The following NDST4 variants were observed in gnomAD, a reference collection of about 807,000 sequenced individuals.
NDST4 encodes N-heparan sulfate sulfotransferase 4.
A neutral mutation model predicts 100.8 loss-of-function variants in NDST4; 63 were observed. The observed-to-expected ratio is 0.62, with a 90% confidence interval of 0.51 to 0.77. The LOEUF is 0.77. Ranked by LOEUF, NDST4 falls within the 30% of genes least tolerant of loss-of-function variation. The pLI is 0.00. For synonymous variants in NDST4, 377 were observed against 361.8 expected, an observed-to-expected ratio of 1.04 and a Z score of -0.48; for missense variants, 943 against 1,018.4, an observed-to-expected ratio of 0.93 and a Z score of 1.01.
At chr4:115,051,598 TC>T (rs1728585359) in intron 2 of NDST4, among the ~76,000 whole-genome samples, 1 of 152,142 alleles carries the variant, frequency 6.6e-6, no homozygotes, top group Non-Finnish European at 1.5e-5. Context: ...AGGATTTCAG[TC>T]TTTTTTATGG....
chr4:114,879,987 C>G (rs1724332521), intron 6 of NDST4, among the ~76,000 whole-genome samples: 1 of 152,142 alleles, frequency 6.6e-6, no homozygotes, highest in African/African-American at 2.4e-5. Flanking sequence ...GCATTATTAA[C>G]AAATCAAAAC....
At chr4:115,006,613 G>C (rs977012201) in intron 2 of NDST4, among the ~76,000 whole-genome samples, 7 of 152,100 alleles carry the variant, frequency 4.6e-5, no homozygotes, top group African/African-American at 1.4e-4. Context: ...GGAAGAACAA[G>C]TTTGTGGGAA....
In NDST4 at chr4:115,058,641, C is replaced by T. The variant is rs1728752223; in HGVS notation, c.978+17418G>A. On this transcript the variant is annotated intron_variant, in intron 2 of 13. Transcript: ENST00000264363. ...TTAAGACATTTAAAATAAAGATGTG[C>T]TTTTCTATAGAACACAATGCTTTGA... is the stretch of plus-strand genomic sequence containing the variant. 6.6e-5 allele frequency among the ~76,000 whole-genome samples: 10 copies of T among 152,052 alleles called. No homozygotes were observed. The South Asian group carries it at 2.1e-3, about 32-fold the overall frequency.
At position 114,833,464 on chromosome 4, in the gene NDST4, T is replaced by G. The variant is rs555173517; in HGVS notation, c.2396+142A>C. The G allele has an allele frequency of 1.0e-4, 62 of 611,918 alleles. No homozygotes were observed. In the East Asian group the frequency reaches 1.7e-3, roughly 16 times the overall value. The allele number at this position is 611,918 out of a possible 1,614,324, so 37.9% of individuals were successfully genotyped here. A position where few individuals can be genotyped will look rare whatever the true frequency, so the allele number is the denominator to read the frequency against. On this transcript the variant is annotated intron_variant, in intron 12 of 13. Coordinates refer to ENST00000264363, the MANE Select transcript of NDST4 (RefSeq NM_022569.3). The stretch of plus-strand genomic sequence containing the variant: ...TAAAAGAGAAACACTACATGATTGA[T>G]GAGGATATTCCTTTGATTGCTTGTA...
At chr4:115,055,592 T>G (rs896635256) in intron 2 of NDST4, among the ~76,000 whole-genome samples, 1 of 152,168 alleles carries the variant, frequency 6.6e-6, no homozygotes, top group Admixed American at 6.5e-5. Flanking sequence ...ATTGATCATA[T>G]CGGTTATTGA....
intron 6 of NDST4, among the ~76,000 whole-genome samples, chr4:114,927,176 C>G (rs1276612172): frequency 6.6e-6 from 1 of 151,380 alleles, no homozygotes; most frequent in East Asian, 1.9e-4. Context: ...TAGATTAGAT[C>G]CAAATTTATA....
At chr4:114,950,300 A>G (rs1725962560) in intron 4 of NDST4, among the ~76,000 whole-genome samples, 1 of 152,080 alleles carries the variant, frequency 6.6e-6, no homozygotes, top group South Asian at 2.1e-4. Context: ...AGGCAGGAAT[A>G]TTGGAAATAA....
At chr4:115,071,279 CA>C (rs1729072546) in intron 2 of NDST4, among the ~76,000 whole-genome samples, 1 of 7,598 alleles carries the variant, frequency 1.3e-4, no homozygotes, top group African/African-American at 1.7e-3. Context: ...TATGCCTTCA[CA>C]CACACACACA....
chr4:114,988,789 T>G (rs1447341864), intron 2 of NDST4, among the ~76,000 whole-genome samples: 4 of 152,176 alleles, frequency 2.6e-5, no homozygotes, highest in Admixed American at 2.0e-4. Context: ...AGTAGAATTT[T>G]CTCAGTGCAC....
At chr4:115,106,060 C>T (rs2110345608) in intron 1 of NDST4, among the ~76,000 whole-genome samples, 1 of 152,108 alleles carries the variant, frequency 6.6e-6, no homozygotes, top group South Asian at 2.1e-4. Flanking sequence ...ATGGGGAGCG[C>T]TGACACACAC....
intron 6 of NDST4, among the ~76,000 whole-genome samples, chr4:114,911,093 G>A (rs1450815997): frequency 1.3e-5 from 2 of 152,082 alleles, no homozygotes; most frequent in Admixed American, 1.3e-4. Context: ...AAACCTTCCA[G>A]TGGCTCACAT....
At chr4:115,077,887 G>C (rs1030005952) in intron 1 of NDST4, among the ~76,000 whole-genome samples, 1 of 152,126 alleles carries the variant, frequency 6.6e-6, no homozygotes, top group Non-Finnish European at 1.5e-5. Context: ...GCAGGAACAG[G>C]CATTCTCAGA....
chr4:114,892,856 G>C (rs1724629217), intron 6 of NDST4, among the ~76,000 whole-genome samples: 1 of 151,756 alleles, frequency 6.6e-6, no homozygotes, highest in Non-Finnish European at 1.5e-5. Context: ...ATGTGCTTTG[G>C]TGGTTTGCTG....
chr4:114,877,853 G>GAGGCAGA (rs1473426494), intron 6 of NDST4, among the ~76,000 whole-genome samples: 1 of 152,052 alleles, frequency 6.6e-6, no homozygotes, highest in Non-Finnish European at 1.5e-5. Context: ...TCAGGAGGCT[G>GAGGCAGA]AGGCAGAAGA....
At chr4:115,022,479 CAT>C in intron 2 of NDST4, among the ~76,000 whole-genome samples, 1 of 137,566 alleles carries the variant, frequency 7.3e-6, no homozygotes, top group East Asian at 2.1e-4. Flanking sequence ...ATATGTGTTC[CAT>C]ATATATGTTC....
At chr4:115,045,961 A>G (rs973015403) in intron 2 of NDST4, among the ~76,000 whole-genome samples, 12 of 152,118 alleles carry the variant, frequency 7.9e-5, no homozygotes, top group African/African-American at 2.9e-4. Flanking sequence ...TGCCTCAATC[A>G]TATTTACCGG....
intron 2 of NDST4, among the ~76,000 whole-genome samples, chr4:115,060,802 G>A (rs1728803467): frequency 6.6e-6 from 1 of 151,546 alleles, no homozygotes; most frequent in South Asian, 2.1e-4. Flanking sequence ...GTCCCAACAT[G>A]GCATTTATAA....
intron 4 of NDST4, among the ~76,000 whole-genome samples, chr4:114,946,512 A>G (rs770043081): frequency 2.6e-5 from 4 of 152,352 alleles, no homozygotes; most frequent in Non-Finnish European, 5.9e-5. Context: ...GAGTTAAGGT[A>G]AAAAGTTGTG....
chr4:114,839,554 A>G lies in NDST4; in HGVS notation c.2116-6T>C, dbSNP rs757970735. Reference sequence around the variant, plus strand: ...TCTTCATGTGATCGTTGGTGCTTTAACAAGAAAGTCAATTGTAAAGTTAGA... The same window carrying G: ...TCTTCATGTGATCGTTGGTGCTTTAGCAAGAAAGTCAATTGTAAAGTTAGA... On this transcript the variant is annotated splice_polypyrimidine_tract_variant and splice_region_variant and intron_variant, in intron 10 of 13. Transcript: ENST00000264363. 2.1e-5 allele frequency: 34 copies of G among 1,612,646 alleles called. No homozygotes were observed. The Admixed American group carries it at 2.5e-4, about 12-fold the overall frequency.
Sources: gnomAD v4.1 joint callset for allele counts (sites outside exome capture counted in the v4.1 genomes callset) on GRCh38, gnomAD v4.1.1 for gene constraint, MANE v1.5 for transcripts, NCBI Gene and HGNC (gene_info 2026-07-23, HGNC 2026-07-21) for gene names.